The following RBFOX1 variants were observed in gnomAD, a reference collection of about 807,000 sequenced individuals.
The protein encoded by RBFOX1 is RNA binding fox-1 homolog 1, also known as RNA binding protein fox-1 homolog 1.
Under a neutral mutation model 57.7 loss-of-function variants are expected in RBFOX1, and 8 were observed. The observed-to-expected ratio is 0.14, with a 90% CI of 0.08 to 0.25. The LOEUF is 0.25. RBFOX1 is among the 10% of genes least tolerant of loss of function. The pLI, the probability that RBFOX1 is intolerant of heterozygous loss-of-function variation, is 1.00. For synonymous variants in RBFOX1, 326 were observed against 222.4 expected (o/e 1.47, Z -4.15); for missense variants, 611 against 548.5 (o/e 1.11, Z -1.14).
intron 2 of RBFOX1, among the ~76,000 whole-genome samples, chr16:6,612,386 A>G (rs1319148156): frequency 6.6e-6 from 1 of 152,186 alleles, no homozygotes; most frequent in Admixed American, 6.5e-5. Context: ...AAAGTAGTAA[A>G]TAAAAACACA....
intron 14 of RBFOX1, among the ~76,000 whole-genome samples, chr16:7,694,938 G>A (rs770050861): frequency 2.0e-5 from 3 of 152,090 alleles, no homozygotes; most frequent in Non-Finnish European, 4.4e-5. Context: ...GTTATATTTG[G>A]ACATCTTAGA....
intron 1 of RBFOX1, among the ~76,000 whole-genome samples, chr16:5,332,257 C>CTTTATTTTAT (rs146069773): frequency 3.2e-4 from 48 of 151,698 alleles, no homozygotes; most frequent in Admixed American, 6.6e-4. Flanking sequence ...TCAAAGGAAA[C>CTTTATTTTAT]TTTATTTTAT....
chr16:7,326,216 G>T (rs2096609719), intron 4 of RBFOX1, among the ~76,000 whole-genome samples: 1 of 152,174 alleles, frequency 6.6e-6, no homozygotes, highest in South Asian at 2.1e-4. Flanking sequence ...TGGTGGAGGG[G>T]ATAGAATGGA....
chr16:6,417,143 C>G (rs1446087348), intron 2 of RBFOX1, among the ~76,000 whole-genome samples: 2 of 152,090 alleles, frequency 1.3e-5, no homozygotes, highest in Admixed American at 1.3e-4. Context: ...TCCCAAGTAG[C>G]TGAGATTACA....
intron 4 of RBFOX1, among the ~76,000 whole-genome samples, chr16:7,481,562 G>C (rs1234041551): frequency 6.6e-6 from 1 of 152,112 alleles, no homozygotes; most frequent in African/African-American, 2.4e-5. Context: ...TTACCCTTCA[G>C]ATGACTAAGG....
intron 4 of RBFOX1, among the ~76,000 whole-genome samples, chr16:7,475,403 C>G (rs530606154): frequency 6.6e-6 from 1 of 151,726 alleles, no homozygotes; most frequent in Non-Finnish European, 1.5e-5. Context: ...CAACTTCTGC[C>G]TCCCGGGTTC....
At chr16:6,116,251 A>G (rs2096494782) in intron 1 of RBFOX1, among the ~76,000 whole-genome samples, 1 of 150,060 alleles carries the variant, frequency 6.7e-6, no homozygotes, top group African/African-American at 2.5e-5. Context: ...GGGGAACATC[A>G]CACACCAGGG....
At chr16:6,832,168 C>T (rs913507568) in intron 3 of RBFOX1, among the ~76,000 whole-genome samples, 1 of 152,282 alleles carries the variant, frequency 6.6e-6, no homozygotes, top group African/African-American at 2.4e-5. Context: ...CTAAATTCAT[C>T]TTCAGAAATG....
intron 3 of RBFOX1, among the ~76,000 whole-genome samples, chr16:6,793,743 A>T (rs1244804547): frequency 6.6e-6 from 1 of 152,198 alleles, no homozygotes; most frequent in Non-Finnish European, 1.5e-5. Flanking sequence ...AAAATAACAC[A>T]GCAAGAAACA....
chr16:6,227,250 A>G lies in RBFOX1; in HGVS notation c.-126-89745A>G, dbSNP rs2097424949. ...CAGAATTCCCTGGAGGCCCTCTTAA[A>G]ACGCACCCTCAGAGCGTTTGATTCA... On this transcript the variant is annotated intron_variant, in intron 1 of 15. Transcript: ENST00000550418. Among the ~76,000 whole-genome samples the G allele has an allele frequency of 2.0e-5, 3 of 152,140 alleles. No individual in the cohort carries two copies. In the South Asian group the frequency reaches 6.2e-4, roughly 32 times the overall value.
intron 1 of RBFOX1, among the ~76,000 whole-genome samples, chr16:5,368,650 C>T (rs1402067188): frequency 2.6e-5 from 4 of 152,124 alleles, no homozygotes; most frequent in Admixed American, 2.6e-4. Context: ...CTTTAAGAAT[C>T]AAAAGCTCAA....
At chr16:6,174,319 GC>G (rs1489184654) in intron 1 of RBFOX1, among the ~76,000 whole-genome samples, 2 of 152,212 alleles carry the variant, frequency 1.3e-5, no homozygotes, top group Non-Finnish European at 2.9e-5. Context: ...TTAGGGCCGG[GC>G]ACGGTGGCTC....
chr16:5,606,572 A>T (rs2047588496), intron 3 of RBFOX1, among the ~76,000 whole-genome samples: 1 of 152,054 alleles, frequency 6.6e-6, no homozygotes, highest in Non-Finnish European at 1.5e-5. Context: ...TAAGAGTTGG[A>T]AGGTATGCAT....
chr16:6,308,439 G>A (rs1475933566), intron 1 of RBFOX1, among the ~76,000 whole-genome samples: 3 of 152,216 alleles, frequency 2.0e-5, no homozygotes, highest in Non-Finnish European at 2.9e-5. Context: ...GAATGCACAT[G>A]ACTGCATCTG....
intron 3 of RBFOX1, among the ~76,000 whole-genome samples, chr16:6,837,933 A>C (rs1012595991): frequency 2.0e-5 from 3 of 151,926 alleles, no homozygotes; most frequent in African/African-American, 7.3e-5. Context: ...AACAGCAGGA[A>C]GTTACCACCT....
At chr16:6,929,417 C>T (rs533835536) in intron 3 of RBFOX1, among the ~76,000 whole-genome samples, 59 of 152,226 alleles carry the variant, frequency 3.9e-4, no homozygotes, top group African/African-American at 1.3e-3. Flanking sequence ...TTGATGCCTC[C>T]ACCAGGTAAA....
chr16:5,511,587 T>C (rs2043594903), intron 2 of RBFOX1, among the ~76,000 whole-genome samples: 1 of 152,194 alleles, frequency 6.6e-6, no homozygotes, highest in Non-Finnish European at 1.5e-5. Context: ...GCTCTGTGCC[T>C]CTTTCCCCTC....
intron 2 of RBFOX1, among the ~76,000 whole-genome samples, chr16:6,367,414 G>T (rs2089805062): frequency 6.6e-6 from 1 of 152,070 alleles, no homozygotes; most frequent in South Asian, 2.1e-4. Flanking sequence ...GGGATTACAG[G>T]CATGCACCAC....
chr16:6,957,607 G>A (rs964857020), intron 3 of RBFOX1, among the ~76,000 whole-genome samples: 1 of 152,090 alleles, frequency 6.6e-6, no homozygotes, highest in African/African-American at 2.4e-5. Flanking sequence ...ACTGCAACCT[G>A]TTTTATCAGC....
Sources: allele counts gnomAD v4.1 joint callset (sites outside exome capture counted in the v4.1 genomes callset), GRCh38; gene constraint gnomAD v4.1.1; transcripts MANE v1.5; gene names NCBI Gene and HGNC (gene_info 2026-07-23, HGNC 2026-07-21).